XPO6: variants seen among roughly 807,000 people sequenced by gnomAD.
XPO6 encodes exportin-6.
XPO6 carries 3 observed loss-of-function variants against 130.0 expected under a neutral mutation model. The observed-to-expected ratio is 0.02, with a 90% confidence interval of 0.01 to 0.06. XPO6 has a LOEUF of 0.06. Among genes scored for constraint, XPO6 ranks in the 10% least tolerant of loss-of-function variants. The pLI is 1.00. For missense variants in XPO6, 970 were observed against 1,393.0 expected (o/e 0.70, Z 4.83); for synonymous variants, 524 against 548.9 (o/e 0.95, Z 0.63).
intron 1 of XPO6, among the ~76,000 whole-genome samples, chr16:28,194,165 G>C (rs1474048195): frequency 6.6e-6 from 1 of 151,978 alleles, no homozygotes; most frequent in Non-Finnish European, 1.5e-5. Flanking sequence ...AAATCCCTTA[G>C]CACCCTCATC....
In XPO6 at chr16:28,132,559, A is replaced by ACC; in HGVS notation, c.1537-158_1537-157dup. Among the ~76,000 whole-genome samples, 1 of 150,058 alleles carries ACC rather than the reference A, an allele frequency of 6.7e-6. No individual in the cohort carries two copies. The highest frequency in any genetic ancestry group is 2.1e-4 in the South Asian group (1 of 4,664). ...CTTTAAATGCAGCTAAAAAGCTATG[A>ACC]CCCCCCTTCAGTGCCCCCCAACTAG... On this transcript the variant is annotated intron_variant, in intron 11 of 23. Transcript: ENST00000304658. The surrounding 1 kb of genome is among the most constrained non-coding windows in gnomAD (Gnocchi z 4.0).
rs566771838 is a variant in XPO6, at chr16:28,211,273, G to A, written c.3+93C>T. 63 of 1,257,388 alleles carry A rather than the reference G, an allele frequency of 5.0e-5. No homozygotes were observed. The South Asian group carries it at 2.0e-3, about 40-fold the overall frequency. 77.9% of individuals were successfully genotyped at this position (1,257,388 alleles called of 1,614,324 possible). A position where few individuals can be genotyped will look rare whatever the true frequency, so the allele number is the denominator to read the frequency against. On this transcript the variant is annotated intron_variant, in intron 1 of 23. Coordinates refer to ENST00000304658, the MANE Select transcript of XPO6 (RefSeq NM_015171.4). ...CTCCGCACGCGCCTCTCCCCGCCAT[G>A]GGGAGAGCAGCGATGGCTCAGCAGC...
intron 9 of XPO6, among the ~76,000 whole-genome samples, chr16:28,143,393 T>C (rs2042929770): frequency 6.6e-6 from 1 of 152,246 alleles, no homozygotes; most frequent in Non-Finnish European, 1.5e-5. Context: ...TTTACATACA[T>C]GATTTCCTTG....
At chr16:28,201,801 G>C (rs2043958033) in intron 1 of XPO6, among the ~76,000 whole-genome samples, 1 of 152,132 alleles carries the variant, frequency 6.6e-6, no homozygotes, top group South Asian at 2.1e-4. Flanking sequence ...CTTGTAGTGA[G>C]TCGAGATCAC....
At chr16:28,115,306 G>A (rs2087027106) in intron 15 of XPO6, among the ~76,000 whole-genome samples, 2 of 152,182 alleles carry the variant, frequency 1.3e-5, no homozygotes, top group South Asian at 4.1e-4. Context: ...AGTAAGACTT[G>A]AAAGCCAAAA....
At chr16:28,146,982 T>C (rs560629968) in intron 8 of XPO6, among the ~76,000 whole-genome samples, 19 of 152,240 alleles carry the variant, frequency 1.2e-4, no homozygotes, top group African/African-American at 4.1e-4. Flanking sequence ...TGCATTCAGG[T>C]TCAACTTGTG....
rs1159350761 is a variant in XPO6, at chr16:28,135,378, GGAAAATGCCTCCTGCACTAT to G, written c.1335-74_1335-55del. ...AAAGGAGGCTTTCAGCTTAGAATTT[GGAAAATGCCTCCTGCACTAT>G]AAAAGAAATGGTGTCTATGTTGATC... On this transcript the variant is annotated intron_variant, in intron 9 of 23. Coordinates refer to ENST00000304658, the MANE Select transcript of XPO6 (RefSeq NM_015171.4). 6.3e-6 allele frequency: 9 copies of G among 1,426,268 alleles called. No individual in the cohort carries two copies. The African/African-American group carries it at 1.1e-4, about 18-fold the overall frequency. 88.4% of individuals were successfully genotyped at this position (1,426,268 alleles called of 1,614,324 possible).
At chr16:28,127,782 A>G (rs2042590469) in intron 12 of XPO6, among the ~76,000 whole-genome samples, 1 of 152,240 alleles carries the variant, frequency 6.6e-6, no homozygotes, top group Admixed American at 6.5e-5. Flanking sequence ...CTTAAGGAGC[A>G]GGAGAACGAA....
chr16:28,200,708 G>GT (rs1415542054), intron 1 of XPO6, among the ~76,000 whole-genome samples: 2 of 151,960 alleles, frequency 1.3e-5, no homozygotes, highest in Non-Finnish European at 1.5e-5. Flanking sequence ...TGTTTTTTTG[G>GT]TTTTTTATTT....
chr16:28,106,102 G>A lies in XPO6; in HGVS notation c.2725C>T (p.Pro909Ser), dbSNP rs776109152. Residue 909 changes from proline (P) to serine (S), a missense_variant, in exon 20 of 24, where the codon CCC (proline) becomes TCC (serine). By Grantham distance (74) the Pro-to-Ser change is moderately conservative. Transcript: ENST00000304658. The surrounding 1 kb of genome is among the most constrained non-coding windows in gnomAD (Gnocchi z 4.2). ...VVQEPGQVFK[P>S]FLPSIIALCM... ...AGGGCGATGATGCTGGGGAGGAAGG[G>A]CTTGAACACCTGGCCTGGCTCCTGG... 4.3e-6 allele frequency: 7 copies of A among 1,614,184 alleles called. No individual in the cohort carries two copies. Among genetic ancestry groups the A allele is most frequent in the Non-Finnish European group, 5.9e-6 (7 of 1,180,046 alleles).
At chr16:28,139,998 A>G (rs2042856867) in intron 9 of XPO6, among the ~76,000 whole-genome samples, 1 of 152,118 alleles carries the variant, frequency 6.6e-6, no homozygotes, top group Non-Finnish European at 1.5e-5. Flanking sequence ...TTGGGAGGCC[A>G]AGGCAGGCGG....
At chr16:28,160,144 C>T (rs2043250768) in intron 6 of XPO6, among the ~76,000 whole-genome samples, 1 of 145,940 alleles carries the variant, frequency 6.9e-6, no homozygotes, top group Admixed American at 6.9e-5. Flanking sequence ...GAGATTGCAC[C>T]ACTGCACTCC....
At chr16:28,163,535 T>G (rs2043310051) in intron 6 of XPO6, among the ~76,000 whole-genome samples, 1 of 152,208 alleles carries the variant, frequency 6.6e-6, no homozygotes, top group Non-Finnish European at 1.5e-5. Flanking sequence ...GAAGTGAACA[T>G]GAGAGGAGAT....
intron 23 of XPO6, among the ~76,000 whole-genome samples, chr16:28,100,295 C>T (rs919628524): frequency 2.6e-5 from 4 of 152,238 alleles, no homozygotes; most frequent in Admixed American, 6.5e-5. Flanking sequence ...TGGCCTATAA[C>T]TAGATTTTGA....
intron 4 of XPO6, 147 bp from the exon 5 acceptor site, chr16:28,170,056 GCT>G: frequency 9.2e-7 from 1 of 1,085,822 alleles, no homozygotes; most frequent in Non-Finnish European, 1.3e-6. Context: ...TTAGAGGCCA[GCT>G]CCAATGGCTC....
chr16:28,129,602 G>GA (rs1302966566), intron 12 of XPO6, among the ~76,000 whole-genome samples: 2 of 151,908 alleles, frequency 1.3e-5, no homozygotes, highest in East Asian at 1.9e-4. Context: ...TGCCCTAGGG[G>GA]AAAAAAAAGT....
chr16:28,158,476 T>C (rs895760984), intron 6 of XPO6, among the ~76,000 whole-genome samples: 16 of 152,138 alleles, frequency 1.1e-4, no homozygotes, highest in African/African-American at 3.9e-4. Flanking sequence ...CTTTGAAAAA[T>C]ATAGTTATTT....
intron 5 of XPO6, chr16:28,166,842 T>A (rs2043364887): frequency 1.0e-6 from 1 of 984,382 alleles, no homozygotes; most frequent in African/African-American, 1.7e-5. Flanking sequence ...CAGAGTCACC[T>A]GGTTGCTGCA....
At chr16:28,211,125 C>CCAGAT (rs1298286841) in intron 1 of XPO6, among the ~76,000 whole-genome samples, 1 of 152,202 alleles carries the variant, frequency 6.6e-6, no homozygotes, top group African/African-American at 2.4e-5. Flanking sequence ...GAGGCAAACA[C>CCAGAT]CAGATGCAAG....
Sources: allele counts gnomAD v4.1 joint callset (sites outside exome capture counted in the v4.1 genomes callset), GRCh38; gene constraint gnomAD v4.1.1; non-coding constraint Gnocchi (gnomAD v3.1); transcripts MANE v1.5; gene names NCBI Gene and HGNC (gene_info 2026-07-23, HGNC 2026-07-21).